Variants in BLM observed in about 807,000 individuals in gnomAD.
The protein encoded by BLM is recQ-like DNA helicase BLM.
Under a neutral mutation model 135.3 loss-of-function variants are expected in BLM, and 95 were observed. The observed-to-expected ratio is 0.70, with a 90% CI of 0.59 to 0.83. The LOEUF (loss-of-function observed/expected upper bound fraction) is 0.83, where lower values mean the gene tolerates loss of function less well. Among genes scored for constraint, BLM ranks in the 40% least tolerant of loss-of-function variants. The probability of loss-of-function intolerance (pLI) is 0.00; values close to 1 mark genes in which losing one functional copy is unlikely to be tolerated. For missense variants in BLM, 1,518 were observed against 1,663.9 expected (o/e 0.91, Z 1.53); for synonymous variants, 520 against 589.2 (o/e 0.88, Z 1.70).
chr15:90,794,640 T>G (rs1896987969), intron 16 of BLM, among the ~76,000 whole-genome samples: 1 of 151,052 alleles, frequency 6.6e-6, no homozygotes, highest in South Asian at 2.1e-4. Context: ...TTTAGAAATA[T>G]TAATATGCAA....
intron 19 of BLM, among the ~76,000 whole-genome samples, chr15:90,808,366 C>T (rs1487043915): frequency 6.6e-6 from 1 of 152,222 alleles, no homozygotes; most frequent in African/African-American, 2.4e-5. Flanking sequence ...CCTCACTACC[C>T]AGAGCCAGTG....
intron 21 of BLM, among the ~76,000 whole-genome samples, chr15:90,814,017 A>G (rs1897490254): frequency 6.6e-6 from 1 of 152,222 alleles, no homozygotes; most frequent in South Asian, 2.1e-4. Flanking sequence ...CATAAACAGC[A>G]GGTTTTCTCT....
chr15:90,789,056 TATATATAA>T (rs1454538098), intron 14 of BLM, among the ~76,000 whole-genome samples: 1 of 151,352 alleles, frequency 6.6e-6, no homozygotes, highest in Non-Finnish European at 1.5e-5. Context: ...TATATATATA[TATATATAA>T]CTTTGATAAA....
intron 1 of BLM, among the ~76,000 whole-genome samples, chr15:90,742,818 G>C (rs1484759297): frequency 2.6e-5 from 4 of 151,250 alleles, no homozygotes; most frequent in Non-Finnish European, 4.4e-5. Context: ...GTGTTTTTTT[G>C]TAGAGACAGG....
At chr15:90,804,679 G>T (rs1307367861) in intron 19 of BLM, among the ~76,000 whole-genome samples, 1 of 152,034 alleles carries the variant, frequency 6.6e-6, no homozygotes, top group Non-Finnish European at 1.5e-5. Context: ...TGCCCAGTCT[G>T]GTCTCGAACT....
intron 1 of BLM, among the ~76,000 whole-genome samples, chr15:90,727,338 A>AT (rs756543486): frequency 3.3e-5 from 5 of 151,656 alleles, no homozygotes; most frequent in African/African-American, 7.3e-5. Context: ...GATTTGCACT[A>AT]TTTTTTTTAA....
At chr15:90,785,929 A>T (rs911967699) in intron 14 of BLM, among the ~76,000 whole-genome samples, 2 of 149,784 alleles carry the variant, frequency 1.3e-5, no homozygotes, top group Non-Finnish European at 3.0e-5. Flanking sequence ...ATATTCTGTT[A>T]TATGGATATA....
chr15:90,745,631 A>C lies in BLM; in HGVS notation c.-4-1758A>C, dbSNP rs150327414. Among the ~76,000 whole-genome samples, 1,423 of 152,150 alleles carry C rather than the reference A, an allele frequency of 9.4e-3. 31 individuals are homozygous for C. The highest frequency in any genetic ancestry group is 0.033 in the African/African-American group (1,358 of 41,516). ...TTGCCATGTTGCCCAGCCTGGTCTCAAACTCCTGGGCTCAAGCGATCCGCT... is the reference window on the plus strand; with the variant it reads ...TTGCCATGTTGCCCAGCCTGGTCTCCAACTCCTGGGCTCAAGCGATCCGCT... On this transcript the variant is annotated intron_variant, in intron 1 of 21. Transcript: ENST00000355112.
intron 17 of BLM, among the ~76,000 whole-genome samples, chr15:90,800,492 C>T (rs1222497183): frequency 6.6e-6 from 1 of 151,960 alleles, no homozygotes; most frequent in South Asian, 2.1e-4. Flanking sequence ...GCCAGCCTGA[C>T]CAACATGGAG....
chr15:90,718,391 CTT>C (rs1398093375), intron 1 of BLM, among the ~76,000 whole-genome samples: 3 of 152,182 alleles, frequency 2.0e-5, no homozygotes, highest in Non-Finnish European at 4.4e-5. Context: ...TCACACAGAA[CTT>C]TAGGTACCTC....
chr15:90,768,131 T>C (rs1371423476), intron 10 of BLM, among the ~76,000 whole-genome samples: 2 of 151,890 alleles, frequency 1.3e-5, no homozygotes, highest in African/African-American at 2.4e-5. Flanking sequence ...TTAGTAGAGA[T>C]GGGGTTTCAC....
chr15:90,795,867 G>C (rs1292646469), intron 16 of BLM, among the ~76,000 whole-genome samples: 1 of 152,226 alleles, frequency 6.6e-6, no homozygotes, highest in Non-Finnish European at 1.5e-5. Flanking sequence ...GTATTAGACG[G>C]GGTGGTCCTT....
At chr15:90,797,577 G>A (rs1897060066) in intron 16 of BLM, among the ~76,000 whole-genome samples, 1 of 152,078 alleles carries the variant, frequency 6.6e-6, no homozygotes, top group Admixed American at 6.6e-5. Flanking sequence ...CAAATGACAA[G>A]GATTAGAAGG....
chr15:90,774,992 G>A (rs957538459), intron 12 of BLM, among the ~76,000 whole-genome samples: 6 of 152,160 alleles, frequency 3.9e-5, no homozygotes, highest in African/African-American at 1.4e-4. Context: ...CCTGGGAAGT[G>A]GCTTGATCTG....
At chr15:90,734,828 C>A (rs1231613445) in intron 1 of BLM, among the ~76,000 whole-genome samples, 1 of 152,060 alleles carries the variant, frequency 6.6e-6, no homozygotes, top group African/African-American at 2.4e-5. Context: ...ACCAACTCCA[C>A]TTGTATTTAA....
intron 4 of BLM, among the ~76,000 whole-genome samples, chr15:90,752,869 CCAGGTGAAA>C (rs1895724931): frequency 6.6e-6 from 1 of 152,090 alleles, no homozygotes; most frequent in Non-Finnish European, 1.5e-5. Flanking sequence ...TTCTCATTTA[CCAGGTGAAA>C]CAGCTGAGGC....
chr15:90,798,690 A>G (rs558717129), intron 17 of BLM, among the ~76,000 whole-genome samples: 12 of 145,454 alleles, frequency 8.3e-5, no homozygotes, highest in Admixed American at 1.4e-4. Context: ...TGCCTTAAAA[A>G]TCTCTCAGGG....
chr15:90,720,843 G>A (rs565048185), intron 1 of BLM, among the ~76,000 whole-genome samples: 10 of 152,140 alleles, frequency 6.6e-5, no homozygotes, highest in Non-Finnish European at 1.2e-4. Context: ...GTTTGCCCAC[G>A]GAGTGCTGGG....
rs2151157893 is a variant in BLM at position 90,760,665 on chromosome 15, G to A, written c.1292G>A (p.Arg431Lys). Residue 431 changes from arginine (R) to lysine (K), a missense_variant, in exon 7 of 22, where the codon AGG becomes AAG. Arg to Lys is a conservative substitution (Grantham distance 26). Coordinates refer to ENST00000355112, the MANE Select transcript of BLM (RefSeq NM_000057.4). ...CTTCTTGGCTCATTGTGGAGATACA[G>A]GCCTGATTCACTTGATGGCCCTATG... is the stretch of plus-strand genomic sequence containing the variant. ...ASLLGSLWRYRPDSLDGPMEG... is the reference protein window; with the variant it reads ...ASLLGSLWRYKPDSLDGPMEG... 6.2e-7 allele frequency: 1 copy of A among 1,613,962 alleles called. No homozygotes were observed. Among genetic ancestry groups the A allele is most frequent in the Non-Finnish European group, 8.5e-7 (1 of 1,179,860 alleles).
Sources: allele counts gnomAD v4.1 joint callset (sites outside exome capture counted in the v4.1 genomes callset), GRCh38; gene constraint gnomAD v4.1.1; transcripts MANE v1.5; gene names NCBI Gene and HGNC (gene_info 2026-07-23, HGNC 2026-07-21).